The following CABIN1 variants were observed in gnomAD, a reference collection of about 807,000 sequenced individuals.
CABIN1 encodes the protein calcineurin binding protein 1.
In CABIN1, 133 loss-of-function variants were observed where a neutral mutation model predicts 227.7. That is an observed-to-expected ratio of 0.58 (90% CI 0.51 to 0.67). The LOEUF is 0.67. Among genes scored for constraint, CABIN1 ranks in the 30% least tolerant of loss-of-function variants. The pLI is 0.00. For missense variants in CABIN1, 2,408 were observed against 2,852.5 expected (o/e 0.84, Z 3.55); for synonymous variants, 1,086 against 1,155.1 (o/e 0.94, Z 1.21).
intron 1 of CABIN1, among the ~76,000 whole-genome samples, chr22:24,018,555 G>A (rs977353646): frequency 4.6e-5 from 7 of 152,116 alleles, no homozygotes; most frequent in African/African-American, 1.4e-4. Flanking sequence ...AGTTCATCTT[G>A]ACTCTAGTGA....
At chr22:24,081,605 A>G (rs1453317924) in intron 19 of CABIN1, among the ~76,000 whole-genome samples, 1 of 152,002 alleles carries the variant, frequency 6.6e-6, no homozygotes, top group African/African-American at 2.4e-5. Flanking sequence ...TTTGCTTTCT[A>G]GTTCATTACC....
intron 23 of CABIN1, 144 bp downstream of exon 23, chr22:24,087,857 C>A: frequency 1.8e-6 from 2 of 1,110,314 alleles, no homozygotes; most frequent in Admixed American, 2.1e-5. Flanking sequence ...CCCCATGAGG[C>A]TTAAGCCATA....
At chr22:24,021,162 G>T (rs962408402) in intron 1 of CABIN1, among the ~76,000 whole-genome samples, 2 of 151,784 alleles carry the variant, frequency 1.3e-5, no homozygotes, top group Non-Finnish European at 2.9e-5. Context: ...ACCATGCCTG[G>T]CTAATTTTTA....
intron 29 of CABIN1, among the ~76,000 whole-genome samples, chr22:24,158,106 C>G (rs992354152): frequency 3.3e-5 from 5 of 152,238 alleles, no homozygotes; most frequent in Non-Finnish European, 5.9e-5. Context: ...GGGGAACGGG[C>G]TCTCCCTTGG....
At position 24,070,853 on chromosome 22, in the gene CABIN1, G is replaced by A. The variant is rs777940025; in HGVS notation, c.2286G>A (p.Val762=). Residue 762 remains valine, a synonymous_variant, in exon 17 of 37, where the codon GTG becomes GTA. Transcript: ENST00000263119. ...DYRQCFECSD[V]ALNEAVQQMV... Reference sequence around the variant, plus strand: ...GGCAGTGTTTTGAGTGTTCCGATGTGGCTCTGAACGAGGCTGTCCAGCAGA... The same window carrying A: ...GGCAGTGTTTTGAGTGTTCCGATGTAGCTCTGAACGAGGCTGTCCAGCAGA... 2 of 1,614,252 alleles carry A rather than the reference G, an allele frequency of 1.2e-6. No individual in the cohort carries two copies. The highest frequency in any genetic ancestry group is 1.7e-6 in the Non-Finnish European group (2 of 1,180,050).
intron 27 of CABIN1, among the ~76,000 whole-genome samples, chr22:24,117,185 C>T (rs71318953): frequency 0.018 from 2,798 of 152,212 alleles, 33 homozygotes; most frequent in Middle Eastern, 0.031. Context: ...ACCCAGACCC[C>T]TAGGCAACTG....
rs2147075552 is a variant in CABIN1, at chr22:24,084,632, G to A, written c.2964G>A (p.Lys988=). The change falls in exon 21 of 37, where the codon AAG becomes AAA. Residue 988 remains lysine (K), a synonymous_variant. Coordinates refer to ENST00000263119, the MANE Select transcript of CABIN1 (RefSeq NM_012295.4). ...ALFMFEYFKP[K]TLPEFDSYKT... is the part of the protein sequence containing the mutation. The stretch of plus-strand genomic sequence containing the variant: ...TCATGTTTGAGTATTTTAAGCCCAA[G>A]ACCCTTCCTGAATTTGACAGCTATA... The A allele has an allele frequency of 6.2e-7, 1 of 1,613,960 alleles. No homozygotes were observed. Among genetic ancestry groups the A allele is most frequent in the Non-Finnish European group, 8.5e-7 (1 of 1,179,982 alleles).
chr22:24,042,877 T>TGTGTGTGTGTGTGTGTGTG (rs1491335662), intron 5 of CABIN1, 27 bp from the exon 6 acceptor site: 10 of 1,463,642 alleles, frequency 6.8e-6, no homozygotes, highest in East Asian at 2.3e-5. Context: ...TGTGTGTGTG[T>TGTGTGTGTGTGTGTGTGTG]TTGCCCTCTG....
At chr22:24,030,231 C>G (rs537729053) in intron 1 of CABIN1, among the ~76,000 whole-genome samples, 2 of 152,266 alleles carry the variant, frequency 1.3e-5, no homozygotes, top group East Asian at 3.9e-4. Flanking sequence ...CATAATAGCT[C>G]ACAGCTGTGC....
Position 24,060,534 on chromosome 22 carries a change from A to G in CABIN1, c.1617+393A>G, listed in dbSNP as rs565765778. Among the ~76,000 whole-genome samples, 12 of 152,200 alleles carry G rather than the reference A, an allele frequency of 7.9e-5. No individual in the cohort carries two copies. The South Asian group carries it at 1.2e-3, about 16-fold the overall frequency. ...GGCTTCTCGGGTTGTTTACTGAGTC[A>G]CAGGAAGCCTTGCCAGGAGAAGCTG... On this transcript the variant is annotated intron_variant, in intron 12 of 36. Transcript: ENST00000263119.
chr22:24,141,978 A>G (rs528092734), intron 29 of CABIN1, among the ~76,000 whole-genome samples: 5 of 152,186 alleles, frequency 3.3e-5, no homozygotes, highest in African/African-American at 1.2e-4. Flanking sequence ...GGTACCCCAT[A>G]CCTGCCAGAG....
intron 34 of CABIN1, chr22:24,175,829 G>A (rs2047072661): frequency 9.2e-6 from 5 of 544,892 alleles, no homozygotes; most frequent in Middle Eastern, 5.0e-4. Context: ...GCTGGGCCTC[G>A]AAGACTCAGG....
intron 1 of CABIN1, among the ~76,000 whole-genome samples, chr22:24,015,265 A>G (rs1333396237): frequency 2.2e-5 from 1 of 45,956 alleles, no homozygotes; most frequent in African/African-American, 1.0e-4. Flanking sequence ...GTGAGAATCC[A>G]TCTCCAAAAA....
intron 1 of CABIN1, among the ~76,000 whole-genome samples, chr22:24,018,351 A>G (rs895594447): frequency 2.0e-5 from 3 of 152,104 alleles, no homozygotes; most frequent in Non-Finnish European, 4.4e-5. Context: ...GTGAATTTTA[A>G]ATCATATTTG....
chr22:24,058,442 T>C (rs1383583194), intron 10 of CABIN1, among the ~76,000 whole-genome samples: 2 of 152,212 alleles, frequency 1.3e-5, no homozygotes, highest in Admixed American at 1.3e-4. Context: ...TGAGTGTTTA[T>C]GCTGCAGGGG....
chr22:24,091,878 G>A (rs1396413890), intron 24 of CABIN1, 35 bp downstream of exon 24: 4 of 1,608,128 alleles, frequency 2.5e-6, no homozygotes, highest in South Asian at 2.2e-5. Context: ...GGGAAGCAGG[G>A]CAGGGGCAGG....
At chr22:24,149,901 T>G (rs906806802) in intron 29 of CABIN1, among the ~76,000 whole-genome samples, 12 of 152,330 alleles carry the variant, frequency 7.9e-5, no homozygotes, top group African/African-American at 2.6e-4. Flanking sequence ...GGAGGAGCCT[T>G]GGACTCCAGG....
Position 24,113,685 on chromosome 22 carries a change from C to T in CABIN1, c.4237C>T (p.Pro1413Ser), listed in dbSNP as rs1357032569. The T allele has an allele frequency of 3.1e-6, 5 of 1,614,070 alleles. No homozygotes were observed. In the South Asian group the frequency reaches 4.4e-5, roughly 14 times the overall value. ...GAAATCCTACACAGAGAAGAGGCTGCCCATTCTCAGTTCCCAAGCAGGAGC... is the reference window on the plus strand; with the variant it reads ...GAAATCCTACACAGAGAAGAGGCTGTCCATTCTCAGTTCCCAAGCAGGAGC... ...SRKSYTEKRLPILSSQAGATG... is the reference protein window; with the variant it reads ...SRKSYTEKRLSILSSQAGATG... Residue 1413 changes from proline (P) to serine (S), a missense_variant, in exon 27 of 37, where the codon CCC becomes TCC. Transcript: ENST00000263119.
In CABIN1 at chr22:24,059,215, T is replaced by C. The variant is rs1433754292; in HGVS notation, c.1263-12T>C. 1 of 1,614,200 alleles carries C rather than the reference T, an allele frequency of 6.2e-7. No homozygotes were observed. The highest frequency in any genetic ancestry group is 2.2e-5 in the East Asian group (1 of 44,888). On this transcript the variant is annotated splice_polypyrimidine_tract_variant and intron_variant, in intron 10 of 36. Transcript: ENST00000263119. Reference sequence around the variant, plus strand: ...GTGTTGTGACTTTGTGATTTTGGCATGTTACATGCAGGTTAAGAAAGCTGG... The same window carrying C: ...GTGTTGTGACTTTGTGATTTTGGCACGTTACATGCAGGTTAAGAAAGCTGG...
Sources: gnomAD v4.1 joint callset for allele counts (sites outside exome capture counted in the v4.1 genomes callset) on GRCh38, gnomAD v4.1.1 for gene constraint, MANE v1.5 for transcripts, NCBI Gene and HGNC (gene_info 2026-07-23, HGNC 2026-07-21) for gene names.